SIL1: variants seen among roughly 807,000 people sequenced by gnomAD.
SIL1 encodes the protein nucleotide exchange factor SIL1.
In SIL1, 40 loss-of-function variants were observed where a neutral mutation model predicts 49.1. That is an observed-to-expected ratio of 0.81 (90% CI 0.63 to 1.06). SIL1 has a LOEUF of 1.06. Ranked by LOEUF, SIL1 falls within the 50% of genes least tolerant of loss-of-function variation. The pLI, the probability that SIL1 is intolerant of heterozygous loss-of-function variation, is 0.00. For synonymous variants in SIL1, 253 were observed against 250.8 expected, an observed-to-expected ratio of 1.01 and a Z score of -0.08; for missense variants, 500 against 572.6, an observed-to-expected ratio of 0.87 and a Z score of 1.29.
At chr5:139,180,058 TA>T (rs33982607) in intron 1 of SIL1, among the ~76,000 whole-genome samples, 4,373 of 122,120 alleles carry the variant, frequency 0.036, 206 homozygotes, top group African/African-American at 0.12. Flanking sequence ...CCTGTCTCTT[TA>T]AAAAAAAAAA....
chr5:139,033,847 T>C (rs1768845666), intron 5 of SIL1, among the ~76,000 whole-genome samples: 1 of 152,188 alleles, frequency 6.6e-6, no homozygotes, highest in African/African-American at 2.4e-5. Flanking sequence ...TGGTTGAAGG[T>C]GTTATTCAGC....
At chr5:139,003,706 G>C (rs1768044722) in intron 7 of SIL1, among the ~76,000 whole-genome samples, 1 of 152,194 alleles carries the variant, frequency 6.6e-6, no homozygotes, top group Non-Finnish European at 1.5e-5. Flanking sequence ...CAGAGAAAGA[G>C]AGAGAAACTG....
chr5:139,086,588 C>T (rs1365173631), intron 3 of SIL1, among the ~76,000 whole-genome samples: 1 of 151,680 alleles, frequency 6.6e-6, no homozygotes, highest in Non-Finnish European at 1.5e-5. Flanking sequence ...AAATCCTAAC[C>T]TCAAGTGATC....
At chr5:139,124,555 T>A (rs180695700) in intron 2 of SIL1, among the ~76,000 whole-genome samples, 1 of 152,220 alleles carries the variant, frequency 6.6e-6, no homozygotes, top group Non-Finnish European at 1.5e-5. Context: ...TAAAAGTCTT[T>A]AGATGCTTTG....
chr5:139,154,199 A>C (rs920348429), intron 1 of SIL1, among the ~76,000 whole-genome samples: 5 of 151,950 alleles, frequency 3.3e-5, no homozygotes, highest in Non-Finnish European at 5.9e-5. Flanking sequence ...CTCTGTCTAT[A>C]ATGAAGAAGG....
intron 7 of SIL1, among the ~76,000 whole-genome samples, chr5:138,983,068 G>A (rs1486471452): frequency 1.3e-5 from 2 of 151,778 alleles, no homozygotes; most frequent in African/African-American, 4.8e-5. Flanking sequence ...ATGGCGGCTT[G>A]CACCTATTAG....
chr5:139,136,796 TC>T (rs1486726467), intron 1 of SIL1, among the ~76,000 whole-genome samples: 1 of 151,996 alleles, frequency 6.6e-6, no homozygotes, highest in Non-Finnish European at 1.5e-5. Flanking sequence ...TTCACTAAAG[TC>T]TTAATGAGAA....
At chr5:139,072,777 C>T (rs985992960) in intron 3 of SIL1, among the ~76,000 whole-genome samples, 2 of 152,154 alleles carry the variant, frequency 1.3e-5, no homozygotes, top group Non-Finnish European at 1.5e-5. Context: ...AAGAGACAAT[C>T]TACAGAATGG....
At chr5:139,065,777 C>T (rs1736375992) in intron 3 of SIL1, among the ~76,000 whole-genome samples, 1 of 152,190 alleles carries the variant, frequency 6.6e-6, no homozygotes, top group Non-Finnish European at 1.5e-5. Context: ...GAGAAACACT[C>T]TACCCACTAT....
intron 5 of SIL1, among the ~76,000 whole-genome samples, chr5:139,038,284 C>T (rs1312253540): frequency 6.6e-6 from 1 of 152,184 alleles, no homozygotes; most frequent in African/African-American, 2.4e-5. Flanking sequence ...ATATCCTAGA[C>T]ATTTTGGGTA....
chr5:139,091,807 C>T (rs193130466), intron 3 of SIL1, among the ~76,000 whole-genome samples: 6 of 152,304 alleles, frequency 3.9e-5, no homozygotes, highest in African/African-American at 1.2e-4. Context: ...CTAACCAGGA[C>T]CTAGATTTCT....
chr5:139,105,638 C>G (rs140940011), intron 3 of SIL1, among the ~76,000 whole-genome samples: 1,788 of 152,248 alleles, frequency 0.012, 34 homozygotes, highest in African/African-American at 0.04. Flanking sequence ...CATGCAGGCC[C>G]GGGAGTGCAG....
intron 6 of SIL1, among the ~76,000 whole-genome samples, chr5:139,024,647 T>C (rs1768604318): frequency 6.6e-6 from 1 of 152,250 alleles, no homozygotes; most frequent in Non-Finnish European, 1.5e-5. Context: ...CCTGGGCCAC[T>C]GTTGCCCCTA....
At chr5:139,141,872 G>GA (rs1751086454) in intron 1 of SIL1, among the ~76,000 whole-genome samples, 1 of 152,178 alleles carries the variant, frequency 6.6e-6, no homozygotes, top group Non-Finnish European at 1.5e-5. Context: ...TTTCAGCACA[G>GA]AACCTACTCC....
chr5:139,109,049 C>T (rs1448757387), intron 3 of SIL1, among the ~76,000 whole-genome samples: 5 of 152,300 alleles, frequency 3.3e-5, no homozygotes, highest in Non-Finnish European at 7.3e-5. Flanking sequence ...CTCTTCACCC[C>T]ACAAAGTACA....
chr5:139,149,611 T>C (rs1407387108), intron 1 of SIL1, among the ~76,000 whole-genome samples: 1 of 152,100 alleles, frequency 6.6e-6, no homozygotes, highest in Non-Finnish European at 1.5e-5. Flanking sequence ...CTGACAGAGA[T>C]GACTCTGAGG....
At chr5:139,070,059 T>A (rs368895732) in intron 3 of SIL1, among the ~76,000 whole-genome samples, 18 of 152,168 alleles carry the variant, frequency 1.2e-4, no homozygotes, top group African/African-American at 3.4e-4. Context: ...TTTGTATAAA[T>A]GCCTTAAATA....
chr5:139,055,737 A>C (rs1288546180), intron 3 of SIL1, among the ~76,000 whole-genome samples: 1 of 148,470 alleles, frequency 6.7e-6, no homozygotes, highest in East Asian at 2.1e-4. Flanking sequence ...GCTGGACTGT[A>C]CTGCTGCCAT....
rs1770213560 is a variant in SIL1, at chr5:139,086,167, G to C, written c.244+34868C>G. On this transcript the variant is annotated intron_variant, in intron 3 of 9. Coordinates refer to ENST00000394817, the MANE Select transcript of SIL1 (RefSeq NM_022464.5). The stretch of plus-strand genomic sequence containing the variant: ...GCACACCTGTGGCCCCAGTTACTCA[G>C]GAGGTTGAGGCAGGAGGATCCCTTG... Among the ~76,000 whole-genome samples the C allele has an allele frequency of 2.0e-5, 3 of 150,792 alleles. No individual in the cohort carries two copies. In the East Asian group the frequency reaches 5.9e-4, roughly 30 times the overall value.
Sources: gnomAD v4.1 joint callset for allele counts (sites outside exome capture counted in the v4.1 genomes callset) on GRCh38, gnomAD v4.1.1 for gene constraint, MANE v1.5 for transcripts, NCBI Gene and HGNC (gene_info 2026-07-23, HGNC 2026-07-21) for gene names.